CNTN4: variants seen among roughly 807,000 people sequenced by gnomAD.
CNTN4 encodes contactin-4.
Under a neutral mutation model 122.5 loss-of-function variants are expected in CNTN4, and 77 were observed. The observed-to-expected ratio is 0.63, with a 90% CI of 0.52 to 0.76. CNTN4 has a LOEUF of 0.76. CNTN4 is among the 30% of genes least tolerant of loss of function. CNTN4 has a pLI of 0.00. For missense variants in CNTN4, 1,256 were observed against 1,259.1 expected (o/e 1.00, Z 0.04); for synonymous variants, 512 against 447.0 (o/e 1.15, Z -1.83).
At chr3:2,217,931 T>G (rs545701322) in intron 2 of CNTN4, among the ~76,000 whole-genome samples, 1 of 152,274 alleles carries the variant, frequency 6.6e-6, no homozygotes, top group African/African-American at 2.4e-5. Flanking sequence ...GATCTACCAC[T>G]TAGGGAGTTT....
intron 4 of CNTN4, among the ~76,000 whole-genome samples, chr3:2,708,472 T>TA (rs1247089939): frequency 6.6e-6 from 1 of 152,206 alleles, no homozygotes; most frequent in Non-Finnish European, 1.5e-5. Flanking sequence ...CTCTAGATTT[T>TA]AGAGAATTAG....
chr3:2,510,566 G>A (rs2076857551), intron 3 of CNTN4, among the ~76,000 whole-genome samples: 1 of 152,060 alleles, frequency 6.6e-6, no homozygotes, highest in South Asian at 2.1e-4. Flanking sequence ...CACAGGCGCT[G>A]AGTCTCCCTT....
At chr3:3,020,833 A>G (rs771005855) in intron 14 of CNTN4, among the ~76,000 whole-genome samples, 3 of 152,208 alleles carry the variant, frequency 2.0e-5, no homozygotes, top group Non-Finnish European at 4.4e-5. Flanking sequence ...CGTGCCAAAC[A>G]CTTTCAGTTA....
intron 4 of CNTN4, among the ~76,000 whole-genome samples, chr3:2,717,512 C>T (rs1344752854): frequency 2.0e-5 from 3 of 152,174 alleles, no homozygotes; most frequent in Non-Finnish European, 4.4e-5. Flanking sequence ...GTCTTCACTC[C>T]ATGTGTTTCT....
intron 3 of CNTN4, among the ~76,000 whole-genome samples, chr3:2,352,149 G>A (rs1047704731): frequency 5.4e-4 from 83 of 152,296 alleles, no homozygotes; most frequent in Non-Finnish European, 2.4e-4. Context: ...CCAGCACTTT[G>A]GGAGGCCCAG....
chr3:2,919,459 C>T (rs1053367534), intron 12 of CNTN4, among the ~76,000 whole-genome samples: 2 of 152,052 alleles, frequency 1.3e-5, no homozygotes, highest in Admixed American at 1.3e-4. Context: ...AAGCACCGTG[C>T]CAGGCCCAAG....
At chr3:2,663,461 A>G (rs372043280) in intron 4 of CNTN4, among the ~76,000 whole-genome samples, 2 of 151,866 alleles carry the variant, frequency 1.3e-5, no homozygotes, top group Non-Finnish European at 2.9e-5. Context: ...ATTAAAAACA[A>G]GAGACATTGG....
At chr3:2,576,713 A>G (rs1375364611) in intron 4 of CNTN4, among the ~76,000 whole-genome samples, 2 of 151,824 alleles carry the variant, frequency 1.3e-5, no homozygotes, top group African/African-American at 2.4e-5. Context: ...ACGCCCAGCT[A>G]GTTTTTGTAT....
intron 5 of CNTN4, among the ~76,000 whole-genome samples, 163 bp downstream of exon 5, chr3:2,736,504 C>T (rs2089106207): frequency 6.6e-6 from 1 of 151,244 alleles, no homozygotes; most frequent in African/African-American, 2.4e-5. Flanking sequence ...GCTCTTGTTG[C>T]CCAGGCTGGA....
At chr3:2,481,831 C>T (rs1015646533) in intron 3 of CNTN4, among the ~76,000 whole-genome samples, 1 of 152,150 alleles carries the variant, frequency 6.6e-6, no homozygotes, top group Non-Finnish European at 1.5e-5. Flanking sequence ...TGCTAGCACT[C>T]ATTCTCTCTC....
chr3:2,361,054 A>T (rs1462804479), intron 3 of CNTN4, among the ~76,000 whole-genome samples: 1 of 152,190 alleles, frequency 6.6e-6, no homozygotes, highest in African/African-American at 2.4e-5. Context: ...TAAGCAGTTC[A>T]TAAAGTAAGT....
At chr3:2,530,670 C>T (rs1575870341) in intron 3 of CNTN4, among the ~76,000 whole-genome samples, 2 of 152,032 alleles carry the variant, frequency 1.3e-5, no homozygotes, top group South Asian at 4.2e-4. Context: ...CATAATTTAG[C>T]TGTTGTATGT....
At chr3:2,705,767 A>G (rs182293165) in intron 4 of CNTN4, among the ~76,000 whole-genome samples, 3,897 of 102,362 alleles carry the variant, frequency 0.038, 104 homozygotes, top group African/African-American at 0.07. Flanking sequence ...TATAATATAT[A>G]TTTATTATAT....
intron 3 of CNTN4, among the ~76,000 whole-genome samples, chr3:2,349,967 C>A (rs73807738): frequency 2.5e-3 from 378 of 152,220 alleles, no homozygotes; most frequent in African/African-American, 8.6e-3. Context: ...TATCTCTGAG[C>A]CTGTGAGGGA....
intron 2 of CNTN4, among the ~76,000 whole-genome samples, chr3:2,229,098 T>A (rs1183303741): frequency 6.6e-6 from 1 of 152,178 alleles, no homozygotes; most frequent in Non-Finnish European, 1.5e-5. Context: ...TTCCTTGCCA[T>A]TCATTCATTT....
chr3:2,678,169 G>T (rs2084974040), intron 4 of CNTN4, among the ~76,000 whole-genome samples: 1 of 152,012 alleles, frequency 6.6e-6, no homozygotes, highest in Non-Finnish European at 1.5e-5. Flanking sequence ...TTATTGTAGT[G>T]ATTTTTCTTT....
chr3:2,463,512 C>T (rs1165904762), intron 3 of CNTN4, among the ~76,000 whole-genome samples: 1 of 152,180 alleles, frequency 6.6e-6, no homozygotes, highest in Non-Finnish European at 1.5e-5. Context: ...GTAATCCCAG[C>T]ACTTTGGGAG....
At chr3:3,005,748 T>C (rs942516148) in intron 14 of CNTN4, among the ~76,000 whole-genome samples, 3 of 140,718 alleles carry the variant, frequency 2.1e-5, no homozygotes, top group African/African-American at 7.8e-5. Context: ...ATGAGGGATC[T>C]ACCCTCATGA....
At chr3:2,475,479 T>C (rs2075811386) in intron 3 of CNTN4, among the ~76,000 whole-genome samples, 1 of 152,208 alleles carries the variant, frequency 6.6e-6, no homozygotes, top group African/African-American at 2.4e-5. Flanking sequence ...TTGGCTTTGA[T>C]AGAAGCAATA....
Sources: allele counts gnomAD v4.1 joint callset (sites outside exome capture counted in the v4.1 genomes callset), GRCh38; gene constraint gnomAD v4.1.1; transcripts MANE v1.5; gene names NCBI Gene and HGNC (gene_info 2026-07-23, HGNC 2026-07-21).